Variants in PCDHGA10 observed in about 807,000 individuals in gnomAD.
PCDHGA10 encodes the protein protocadherin gamma-A10.
In PCDHGA10, 42 loss-of-function variants were observed where a neutral mutation model predicts 59.5. The ratio of observed to expected loss-of-function variants is 0.71; its 90% CI spans 0.55 to 0.91. The LOEUF (loss-of-function observed/expected upper bound fraction) is 0.91. Among genes scored for constraint, PCDHGA10 ranks in the 40% least tolerant of loss-of-function variants. PCDHGA10 has a pLI of 0.00. For missense variants in PCDHGA10, 1,111 were observed against 1,198.2 expected, an observed-to-expected ratio of 0.93 and a Z score of 1.07; for synonymous variants, 511 against 517.2, an observed-to-expected ratio of 0.99 and a Z score of 0.16.
At chr5:141,430,910 G>T in intron 1 of PCDHGA10, 2 of 1,608,040 alleles carry the variant, frequency 1.2e-6, no homozygotes, top group Middle Eastern at 1.7e-4. Context: ...CATCTCCAGG[G>T]ACCTGGGGCT....
Position 141,505,556 on chromosome 5 carries a change from C to T in PCDHGA10, c.2584+75C>T, listed in dbSNP as rs2233611. ...GGGTGCATCTCACAGCCACCATGCC[C>T]ACGGACTGGATGTCAAACCTGTGTA... On this transcript the variant is annotated intron_variant, in intron 3 of 3. Transcript: ENST00000398610. 1,282 of 1,606,040 alleles carry T rather than the reference C, an allele frequency of 8.0e-4. 6 individuals are homozygous for T. In the African/African-American group the frequency reaches 0.013, roughly 16 times the overall value.
rs773471969 is a variant in PCDHGA10, at chr5:141,422,101, A to G, written c.2436+6490A>G. 11 of 1,610,046 alleles carry G rather than the reference A, an allele frequency of 6.8e-6. No individual in the cohort carries two copies. The highest frequency in any genetic ancestry group is 4.5e-5 in the East Asian group (2 of 44,870). ...GAACATGGAAAGCAAGGCTTCTGAA[A>G]TATTCCAATTGGATTCACAAACTGG... On this transcript the variant is annotated intron_variant, in intron 1 of 3. Coordinates refer to ENST00000398610, the MANE Select transcript of PCDHGA10 (RefSeq NM_018913.3).
chr5:141,440,401 C>T (rs1023628115), intron 1 of PCDHGA10: 4 of 152,088 alleles, frequency 2.6e-5, no homozygotes, highest in African/African-American at 7.3e-5. Context: ...GAGAGGCAAT[C>T]GCACCACTGC....
chr5:141,432,725 G>A lies in PCDHGA10; in HGVS notation c.2436+17114G>A, dbSNP rs755759587. The A allele has an allele frequency of 7.4e-6, 12 of 1,613,896 alleles. No individual in the cohort carries two copies. Among genetic ancestry groups the A allele is most frequent in the African/African-American group, 1.3e-5 (1 of 74,932 alleles). On this transcript the variant is annotated intron_variant, in intron 1 of 3. Transcript: ENST00000398610. This position sits in a 1 kb window ranked among gnomAD's most constrained non-coding sequence, Gnocchi z 6.0. ...GGACCACGGCCAGCCCCCTCTCTCC[G>A]CCACTGTCACGCTCACCGTGGCCGT...
chr5:141,432,014 A>C lies in PCDHGA10; in HGVS notation c.2436+16403A>C, dbSNP rs778393699. Reference sequence around the variant, plus strand: ...GGATAGGGAACAGGTTCCTAGCTACAACATCACAGTGACCGCCACTGACCG... The same window carrying C: ...GGATAGGGAACAGGTTCCTAGCTACCACATCACAGTGACCGCCACTGACCG... On this transcript the variant is annotated intron_variant, in intron 1 of 3. Transcript: ENST00000398610. This position sits in a 1 kb window ranked among gnomAD's most constrained non-coding sequence, Gnocchi z 6.0. 16 of 1,614,196 alleles carry C rather than the reference A, an allele frequency of 9.9e-6. 1 individual carries two copies. In the South Asian group the frequency reaches 1.6e-4, roughly 17 times the overall value.
chr5:141,446,423 T>C (rs745968692), intron 1 of PCDHGA10, among the ~76,000 whole-genome samples: 1 of 152,152 alleles, frequency 6.6e-6, no homozygotes, highest in Non-Finnish European at 1.5e-5. Context: ...CATGTTCATT[T>C]GAAGGATCTG....
intron 2 of PCDHGA10, 70 bp downstream of exon 2, chr5:141,494,935 G>T (rs1456805368): frequency 2.5e-6 from 4 of 1,612,364 alleles, no homozygotes; most frequent in African/African-American, 1.3e-5. Context: ...GGGAGGAGAT[G>T]GGGGAGGGCC....
Position 141,431,352 on chromosome 5 carries a change from G to C in PCDHGA10, c.2436+15741G>C. Reference sequence around the variant, plus strand: ...AAGTACCCCGAATTGGTGCTGAAACGCGCCCTGGACCGCGAAGAAAAGGCT... The same window carrying C: ...AAGTACCCCGAATTGGTGCTGAAACCCGCCCTGGACCGCGAAGAAAAGGCT... On this transcript the variant is annotated intron_variant, in intron 1 of 3. Coordinates refer to ENST00000398610, the MANE Select transcript of PCDHGA10 (RefSeq NM_018913.3). This position sits in a 1 kb window ranked among gnomAD's most constrained non-coding sequence, Gnocchi z 4.8. The C allele has an allele frequency of 6.2e-7, 1 of 1,614,044 alleles. No individual in the cohort carries two copies. The highest frequency in any genetic ancestry group is 8.5e-7 in the Non-Finnish European group (1 of 1,180,032).
At chr5:141,448,114 A>G (rs1483138819) in intron 1 of PCDHGA10, among the ~76,000 whole-genome samples, 1 of 151,948 alleles carries the variant, frequency 6.6e-6, no homozygotes, top group Non-Finnish European at 1.5e-5. Flanking sequence ...AGAAAAGAAA[A>G]TTAGCCTCCC....
In PCDHGA10 at chr5:141,441,656, CT is replaced by C. The variant is rs200391207; in HGVS notation, c.2436+26047del. 8.0e-3 allele frequency: 1,976 copies of C among 247,682 alleles called. 54 individuals carry two copies. The highest frequency in any genetic ancestry group is 0.043 in the African/African-American group (1,846 of 42,486). The allele number at this position is 247,682 out of a possible 1,614,324, so 15.3% of individuals were successfully genotyped here. A position where few individuals can be genotyped will look rare whatever the true frequency, so the allele number is the denominator to read the frequency against. On this transcript the variant is annotated intron_variant, in intron 1 of 3. Coordinates refer to ENST00000398610, the MANE Select transcript of PCDHGA10 (RefSeq NM_018913.3). ...CACAGGCGCTGTGATTCTAGGTGTC[CT>C]TGAGCGCACAGTGCGCCTTCGACCA...
Position 141,490,369 on chromosome 5 carries a change from C to T in PCDHGA10, c.2437-4438C>T, listed in dbSNP as rs201347968. On this transcript the variant is annotated intron_variant, in intron 1 of 3. Transcript: ENST00000398610. This position sits in a 1 kb window ranked among gnomAD's most constrained non-coding sequence, Gnocchi z 5.4. ...AGTGGGGTTGTTTAATGTGCGAGAC[C>T]GGGACTCAGGTAGAAATGGTGAAGT... The T allele has an allele frequency of 4.0e-5, 64 of 1,614,090 alleles. No individual in the cohort carries two copies. In the Admixed American group the frequency reaches 6.0e-4, roughly 15 times the overall value.
At chr5:141,427,401 G>A (rs2097022075) in intron 1 of PCDHGA10, 1 of 461,400 alleles carries the variant, frequency 2.2e-6, no homozygotes, top group Non-Finnish European at 4.3e-6. Flanking sequence ...ACATGATAAA[G>A]ATTCGAGAGA....
chr5:141,449,708 AT>A (rs2098652573), intron 1 of PCDHGA10, among the ~76,000 whole-genome samples: 1 of 151,520 alleles, frequency 6.6e-6, no homozygotes. Context: ...CAAACACATT[AT>A]TTTTATATGA....
chr5:141,489,091 T>C lies in PCDHGA10; in HGVS notation c.2437-5716T>C. 1 of 333,052 alleles carries C rather than the reference T, an allele frequency of 3.0e-6. No individual in the cohort carries two copies. The highest frequency in any genetic ancestry group is 5.5e-6 in the Non-Finnish European group (1 of 181,380). 20.6% of individuals were successfully genotyped at this position (333,052 alleles called of 1,614,324 possible). On this transcript the variant is annotated intron_variant, in intron 1 of 3. Coordinates refer to ENST00000398610, the MANE Select transcript of PCDHGA10 (RefSeq NM_018913.3). This position sits in a 1 kb window ranked among gnomAD's most constrained non-coding sequence, Gnocchi z 4.5. ...CTGCCCACCCCCGCCACTCGGTGAC[T>C]AAGAACTGCTGCAAGCAGGCAAACC...
At chr5:141,425,624 G>T (rs1007643604) in intron 1 of PCDHGA10, among the ~76,000 whole-genome samples, 1 of 152,184 alleles carries the variant, frequency 6.6e-6, no homozygotes, top group African/African-American at 2.4e-5. Flanking sequence ...TGCTCCTCCA[G>T]TTTTCTCTGA....
intron 3 of PCDHGA10, among the ~76,000 whole-genome samples, chr5:141,505,956 T>C (rs1177913983): frequency 6.6e-6 from 1 of 152,102 alleles, no homozygotes; most frequent in Non-Finnish European, 1.5e-5. Flanking sequence ...TGAAAGTGGG[T>C]GTAGAAATCC....
chr5:141,419,361 T>C, intron 1 of PCDHGA10: 1 of 1,613,794 alleles, frequency 6.2e-7, no homozygotes, highest in Non-Finnish European at 8.5e-7. Context: ...TCACGAACGC[T>C]GTCGTCCTAC....
At chr5:141,455,075 G>A (rs1050636999) in intron 1 of PCDHGA10, among the ~76,000 whole-genome samples, 2 of 151,830 alleles carry the variant, frequency 1.3e-5, no homozygotes, top group African/African-American at 4.8e-5. Context: ...GCCTCCCAAA[G>A]TGCTGGGATT....
At chr5:141,437,011 T>C (rs2097858173) in intron 1 of PCDHGA10, among the ~76,000 whole-genome samples, 1 of 152,236 alleles carries the variant, frequency 6.6e-6, no homozygotes, top group Non-Finnish European at 1.5e-5. Flanking sequence ...GGATCTTAGA[T>C]AATTTCACCA....
Sources: allele counts gnomAD v4.1 joint callset (sites outside exome capture counted in the v4.1 genomes callset), GRCh38; gene constraint gnomAD v4.1.1; non-coding constraint Gnocchi (gnomAD v3.1); transcripts MANE v1.5; gene names NCBI Gene and HGNC (gene_info 2026-07-23, HGNC 2026-07-21).